Variants in PIAS2 observed in about 807,000 individuals in gnomAD.
PIAS2 encodes protein inhibitor of activated STAT 2.
PIAS2 carries 19 observed loss-of-function variants against 69.7 expected under a neutral mutation model. The observed-to-expected ratio is 0.27, with a 90% CI of 0.19 to 0.40. The LOEUF is 0.40. Among genes scored for constraint, PIAS2 ranks in the 10% least tolerant of loss-of-function variants. The pLI is 1.00. For synonymous variants in PIAS2, 261 were observed against 263.2 expected, an observed-to-expected ratio of 0.99 and a Z score of 0.08; for missense variants, 624 against 757.0, an observed-to-expected ratio of 0.82 and a Z score of 2.06.
At chr18:46,909,154 T>C (rs188517454) in intron 1 of PIAS2, among the ~76,000 whole-genome samples, 3 of 152,182 alleles carry the variant, frequency 2.0e-5, no homozygotes, top group Admixed American at 2.0e-4. Context: ...AAGACATGAA[T>C]AGGAATGTGA....
intron 9 of PIAS2, among the ~76,000 whole-genome samples, chr18:46,830,768 C>A (rs2043493556): frequency 6.6e-6 from 1 of 152,056 alleles, no homozygotes; most frequent in Admixed American, 6.6e-5. Flanking sequence ...CAAAGAAAAT[C>A]CTAGGCCCAA....
chr18:46,871,633 C>A (rs548787139), intron 2 of PIAS2, among the ~76,000 whole-genome samples: 1 of 152,128 alleles, frequency 6.6e-6, no homozygotes, highest in Non-Finnish European at 1.5e-5. Flanking sequence ...GAAGTTATAA[C>A]CCTTTTAACA....
At chr18:46,868,351 G>C (rs1050052426) in intron 2 of PIAS2, among the ~76,000 whole-genome samples, 1 of 152,038 alleles carries the variant, frequency 6.6e-6, no homozygotes, top group Non-Finnish European at 1.5e-5. Context: ...TCCTTATTTG[G>C]AAAGAGTCCT....
intron 1 of PIAS2, among the ~76,000 whole-genome samples, chr18:46,905,100 A>C (rs369810132): frequency 6.6e-6 from 1 of 152,202 alleles, no homozygotes; most frequent in East Asian, 1.9e-4. Flanking sequence ...TGTACAAATA[A>C]AAATTATTAA....
At chr18:46,907,330 C>T (rs1055913014) in intron 1 of PIAS2, among the ~76,000 whole-genome samples, 1 of 152,194 alleles carries the variant, frequency 6.6e-6, no homozygotes, top group African/African-American at 2.4e-5. Flanking sequence ...AGGAGCTTGA[C>T]ATCATTACTT....
At chr18:46,828,557 C>T (rs1433722722) in intron 10 of PIAS2, among the ~76,000 whole-genome samples, 1 of 152,134 alleles carries the variant, frequency 6.6e-6, no homozygotes, top group African/African-American at 2.4e-5. Context: ...ACATGTGGCA[C>T]AGTTAGCTCA....
chr18:46,908,936 G>A (rs115333970), intron 1 of PIAS2, among the ~76,000 whole-genome samples: 1,993 of 152,230 alleles, frequency 0.013, 42 homozygotes, highest in African/African-American at 0.044. Context: ...TTGAACCTTG[G>A]GGGTGGAGGG....
chr18:46,840,897 C>T (rs574528532), intron 8 of PIAS2, among the ~76,000 whole-genome samples: 31 of 151,844 alleles, frequency 2.0e-4, no homozygotes, highest in Admixed American at 1.3e-3. Context: ...AGACTAATTA[C>T]TACCAATCTA....
chr18:46,819,395 T>A (rs932221680), intron 12 of PIAS2, among the ~76,000 whole-genome samples: 1 of 152,138 alleles, frequency 6.6e-6, no homozygotes, highest in African/African-American at 2.4e-5. Flanking sequence ...AAGAACTTCT[T>A]AAAATACCAA....
At chr18:46,836,596 C>A in intron 8 of PIAS2, 79 bp from the exon 9 acceptor site, 2 of 941,796 alleles carry the variant, frequency 2.1e-6, no homozygotes, top group South Asian at 2.2e-5. Context: ...TTGTAAAAGT[C>A]GGAAGATGTC....
chr18:46,915,563 A>T (rs960830073), intron 1 of PIAS2: 2 of 152,166 alleles, frequency 1.3e-5, no homozygotes, highest in Non-Finnish European at 2.9e-5. Context: ...TTTACAGGAA[A>T]AGAGGATGAA....
chr18:46,908,579 C>G (rs1251213165), intron 1 of PIAS2, among the ~76,000 whole-genome samples: 1 of 152,026 alleles, frequency 6.6e-6, no homozygotes. Context: ...AAAACTACGT[C>G]TTATACTTTT....
rs576032929 is a variant in PIAS2, at chr18:46,848,398, T to G, written c.727-1557A>C. Among the ~76,000 whole-genome samples the G allele has an allele frequency of 2.0e-5, 3 of 152,266 alleles. No homozygotes were observed. In the South Asian group the frequency reaches 6.2e-4, roughly 32 times the overall value. ...CAGCTAACCAGTCACGCCATGCCAA[T>G]AACATCAAAGTTGCACAGGTGCAGG... On this transcript the variant is annotated intron_variant, in intron 5 of 13. Coordinates refer to ENST00000585916, the MANE Select transcript of PIAS2 (RefSeq NM_004671.5).
Position 46,855,570 on chromosome 18 carries a change from C to A in PIAS2, c.630G>T (p.Gln210His). 2 of 1,613,322 alleles carry A rather than the reference C, an allele frequency of 1.2e-6. No individual in the cohort carries two copies. The highest frequency in any genetic ancestry group is 1.7e-6 in the Non-Finnish European group (2 of 1,179,454). Reference sequence around the variant, plus strand: ...ACAGAAAATTTCAAACTCACCTCAACTGAACTTGGACTGTATAATCTCTCC... The same window carrying A: ...ACAGAAAATTTCAAACTCACCTCAAATGAACTTGGACTGTATAATCTCTCC... ...GGRRDYTVQV[Q>H]LRLCLAETSC... The change falls in exon 4 of 14, where the codon CAG becomes CAT. Residue 210 changes from glutamine to histidine, a missense_variant. By Grantham distance (24) the Gln-to-His change is conservative. This residue lies in a region of PIAS2 where 339 missense variants were observed against 408.8 expected (regional missense o/e 0.83). Transcript: ENST00000585916.
intron 1 of PIAS2, among the ~76,000 whole-genome samples, chr18:46,913,655 A>G (rs1375108968): frequency 6.6e-6 from 1 of 152,126 alleles, no homozygotes; most frequent in East Asian, 1.9e-4. Context: ...AAAGTGTAGC[A>G]GGGACCTTTT....
In PIAS2 at chr18:46,821,011, C is replaced by A. The variant is rs1017018615; in HGVS notation, c.1570G>T (p.Ala524Ser). ...VPSVTSVDPA[A>S]IPPSLTDYSV... ...TAGTCTGTTAATGAAGGCGGAATAG[C>A]AGCAGGATCAACCGAAGTCACACTG... The change falls in exon 12 of 14, where the codon GCT becomes TCT. Residue 524 changes from alanine to serine, a missense_variant. By Grantham distance (99) the Ala-to-Ser change is moderately conservative. This residue lies in a region of PIAS2 where 241 missense variants were observed against 257.3 expected (regional missense o/e 0.94). Coordinates refer to ENST00000585916, the MANE Select transcript of PIAS2 (RefSeq NM_004671.5). 1.2e-6 allele frequency: 2 copies of A among 1,613,288 alleles called. No homozygotes were observed. The highest frequency in any genetic ancestry group is 2.7e-5 in the African/African-American group (2 of 74,878).
At chr18:46,893,429 A>G (rs1169974602) in intron 1 of PIAS2, 8 of 967,160 alleles carry the variant, frequency 8.3e-6, no homozygotes, top group African/African-American at 1.8e-5. Context: ...AAGTCATCCT[A>G]CCTAAGCTTG....
In PIAS2 at chr18:46,836,461, C is replaced by T. The variant is rs748655013; in HGVS notation, c.1098G>A (p.Gln366=). The part of the protein sequence containing the change: ...PCRAVTCTHL[Q]CFDAALYLQM... ...GTAGATAGAGGGCAGCATCAAAACACTGCAGATGTGTACAAGTCACTGCAC... is the reference window on the plus strand; with the variant it reads ...GTAGATAGAGGGCAGCATCAAAACATTGCAGATGTGTACAAGTCACTGCAC... Residue 366 remains glutamine (Q), a synonymous_variant, in exon 9 of 14, where the codon CAG becomes CAA. Coordinates refer to ENST00000585916, the MANE Select transcript of PIAS2 (RefSeq NM_004671.5). The T allele has an allele frequency of 2.5e-6, 4 of 1,613,912 alleles. No individual in the cohort carries two copies. In the South Asian group the frequency reaches 4.4e-5, roughly 18 times the overall value.
chr18:46,826,791 T>C (rs968057439), intron 11 of PIAS2: 7 of 152,152 alleles, frequency 4.6e-5, no homozygotes, highest in African/African-American at 7.2e-5. Flanking sequence ...CTTTAATATA[T>C]GTGTAAATTA....
Sources: gnomAD v4.1 joint callset for allele counts (sites outside exome capture counted in the v4.1 genomes callset) on GRCh38, gnomAD v4.1.1 for gene constraint, gnomAD v4.1.1 regional missense constraint, MANE v1.5 for transcripts, NCBI Gene and HGNC (gene_info 2026-07-23, HGNC 2026-07-21) for gene names.